Variants in FSTL1 observed in about 807,000 individuals in gnomAD.
FSTL1 encodes follistatin-related protein 1.
In FSTL1, 24 loss-of-function variants were observed where a neutral mutation model predicts 45.9. The ratio of observed to expected loss-of-function variants is 0.52; its 90% CI spans 0.38 to 0.74. The LOEUF (loss-of-function observed/expected upper bound fraction) is 0.74, where lower values mean the gene tolerates loss of function less well. FSTL1 is among the 30% of genes least tolerant of loss of function. The pLI is 0.00. For missense variants in FSTL1, 340 were observed against 381.8 expected (o/e 0.89, Z 0.91); for synonymous variants, 120 against 137.6 (o/e 0.87, Z 0.89).
chr3:120,394,535 C>G lies in FSTL1; in HGVS notation c.*2417G>C, dbSNP rs1454063392. ...CTGCTTTCCAAAAACTGATATAGTC[C>G]AGAGTCACGGCATGTGGGAATGTTT... On this transcript the variant is annotated 3_prime_UTR_variant, in exon 11 of 11. Transcript: ENST00000295633. The G allele has an allele frequency of 1.3e-5, 2 of 152,140 alleles. No homozygotes were observed. The highest frequency in any genetic ancestry group is 2.9e-5 in the Non-Finnish European group (2 of 68,044). 9.4% of individuals were successfully genotyped at this position (152,140 alleles called of 1,614,324 possible). A position where few individuals can be genotyped will look rare whatever the true frequency, so the allele number is the denominator to read the frequency against.
intron 2 of FSTL1, chr3:120,419,058 CT>C: frequency 6.6e-6 from 1 of 152,182 alleles, no homozygotes; most frequent in South Asian, 2.1e-4. Flanking sequence ...AATCATTCCT[CT>C]TTGCAGGTGA....
At chr3:120,412,795 CAGGCAGGCAAACACACACACATGT>C (rs1333050207) in intron 3 of FSTL1, among the ~76,000 whole-genome samples, 1 of 150,512 alleles carries the variant, frequency 6.6e-6, no homozygotes, top group East Asian at 2.0e-4. Flanking sequence ...GGCTGATAGG[CAGGCAGGCAAACACACACACATGT>C]GCGCGCGCGC....
chr3:120,410,999 G>C lies in FSTL1; in HGVS notation c.299-15C>G, dbSNP rs201535066. The C allele has an allele frequency of 3.1e-6, 5 of 1,597,816 alleles. No homozygotes were observed. The South Asian group carries it at 4.5e-5, about 14-fold the overall frequency. ...GGATTTCTTCTCTGCAAGACAAAAA[G>C]AGAAAACGTGTAATGCGAAGTGAAG... On this transcript the variant is annotated splice_polypyrimidine_tract_variant and intron_variant, in intron 4 of 10. Transcript: ENST00000295633.
intron 1 of FSTL1, 41 bp from the exon 2 acceptor site, chr3:120,450,787 C>A: frequency 2.1e-6 from 3 of 1,434,764 alleles, no homozygotes; most frequent in Non-Finnish European, 2.8e-6. Flanking sequence ...GGCGCCGGGC[C>A]CCGCGCTGAC....
chr3:120,440,870 T>C (rs981476270), intron 2 of FSTL1, among the ~76,000 whole-genome samples: 7 of 152,044 alleles, frequency 4.6e-5, no homozygotes, highest in Non-Finnish European at 1.0e-4. Flanking sequence ...AGGAGAAAGA[T>C]GAAGGGAAGA....
Position 120,450,753 on chromosome 3 carries a change from A to G in FSTL1, c.1-7T>C. 6.4e-7 allele frequency: 1 copy of G among 1,572,996 alleles called. No individual in the cohort carries two copies. The highest frequency in any genetic ancestry group is 8.6e-7 in the Non-Finnish European group (1 of 1,166,334). ...CGAGCCAGCGTTTCCACATCTGCGG[A>G]AGAGAGAAGAGAGCGAGTCTGAAGG... On this transcript the variant is annotated splice_polypyrimidine_tract_variant and splice_region_variant and intron_variant, in intron 1 of 10. Coordinates refer to ENST00000295633, the MANE Select transcript of FSTL1 (RefSeq NM_007085.5).
At chr3:120,439,211 A>C (rs112543108) in intron 2 of FSTL1, among the ~76,000 whole-genome samples, 2,974 of 152,288 alleles carry the variant, frequency 0.02, 110 homozygotes, top group African/African-American at 0.069. Flanking sequence ...GACAGGCTCC[A>C]GGCTGGGGGT....
At chr3:120,433,998 T>G (rs1187601795) in intron 2 of FSTL1, among the ~76,000 whole-genome samples, 1 of 151,874 alleles carries the variant, frequency 6.6e-6, no homozygotes, top group Non-Finnish European at 1.5e-5. Context: ...CACTGGGGGG[T>G]TTTGCTCAGG....
At position 120,414,078 on chromosome 3, in the gene FSTL1, C is replaced by G. The variant is rs1481941974; in HGVS notation, c.168+1845G>C. ...GATTGCAGACGGAGTCTCGTTCACT[C>G]AGTGCTCAATGGTGCCCAGGCTGGA... On this transcript the variant is annotated intron_variant, in intron 3 of 10. Coordinates refer to ENST00000295633, the MANE Select transcript of FSTL1 (RefSeq NM_007085.5). Among the ~76,000 whole-genome samples, 7 of 152,026 alleles carry G rather than the reference C, an allele frequency of 4.6e-5. No individual in the cohort carries two copies. The South Asian group carries it at 1.5e-3, about 32-fold the overall frequency.
chr3:120,409,959 GA>G (rs1182302165), intron 5 of FSTL1: 1 of 212,878 alleles, frequency 4.7e-6, no homozygotes, highest in African/African-American at 2.3e-5. Flanking sequence ...TTAACTTTAG[GA>G]AGCTGAAGGG....
intron 7 of FSTL1, among the ~76,000 whole-genome samples, chr3:120,403,920 C>CAAAAAAAAAAAAAAAAAAAAAAA (rs34145564): frequency 2.3e-4 from 12 of 52,136 alleles, no homozygotes; most frequent in Non-Finnish European, 3.6e-4. Context: ...GACTCCGTCT[C>CAAAAAAAAAAAAAAAAAAAAAAA]AAAAAAAAAA....
At position 120,399,696 on chromosome 3, in the gene FSTL1, G is replaced by A. The variant is rs143943080; in HGVS notation, c.882+187C>T. On this transcript the variant is annotated intron_variant, in intron 10 of 10. Coordinates refer to ENST00000295633, the MANE Select transcript of FSTL1 (RefSeq NM_007085.5). ...TATGTGTTGAGACCTACTGGGCCCT[G>A]TGAGGACTTTATCAGGGAACTGTCT... Among the ~76,000 whole-genome samples, 695 of 152,332 alleles carry A rather than the reference G, an allele frequency of 4.6e-3. 5 individuals are homozygous for A. Among genetic ancestry groups the A allele is most frequent in the Non-Finnish European group, 8.0e-3 (546 of 68,032 alleles).
chr3:120,442,982 C>T (rs1259330), intron 2 of FSTL1, among the ~76,000 whole-genome samples: 126,068 of 134,856 alleles, frequency 0.93, 59,550 homozygotes, highest in Non-Finnish European at 0.97. Flanking sequence ...TTGGGAGATA[C>T]ACCTAAGGCT....
intron 5 of FSTL1, 34 bp from the exon 6 acceptor site, chr3:120,409,696 T>A: frequency 1.2e-6 from 2 of 1,610,652 alleles, no homozygotes; most frequent in Non-Finnish European, 1.7e-6. Context: ...GCTGGAGCAG[T>A]CAGGGGAGGA....
chr3:120,442,785 A>C (rs1937649943), intron 2 of FSTL1, among the ~76,000 whole-genome samples: 1 of 148,460 alleles, frequency 6.7e-6, no homozygotes, highest in Non-Finnish European at 1.5e-5. Flanking sequence ...CCATCTCAAA[A>C]AAGAAAAAAA....
chr3:120,448,373 T>C (rs1937805805), intron 2 of FSTL1, among the ~76,000 whole-genome samples: 1 of 152,182 alleles, frequency 6.6e-6, no homozygotes, highest in South Asian at 2.1e-4. Context: ...AACTACAAGA[T>C]AAAAGGCTTT....
chr3:120,449,634 A>T (rs890298538), intron 2 of FSTL1, among the ~76,000 whole-genome samples: 5 of 152,244 alleles, frequency 3.3e-5, no homozygotes, highest in Non-Finnish European at 5.9e-5. Context: ...ATGAGAATTC[A>T]GTACAATGCG....
intron 7 of FSTL1, among the ~76,000 whole-genome samples, chr3:120,404,365 T>C (rs1936905021): frequency 6.6e-6 from 1 of 152,266 alleles, no homozygotes; most frequent in African/African-American, 2.4e-5. Context: ...AAAAGTTTCT[T>C]AGCGATTAGT....
intron 9 of FSTL1, among the ~76,000 whole-genome samples, chr3:120,401,159 G>A (rs1290090029): frequency 6.6e-6 from 1 of 152,242 alleles, no homozygotes; most frequent in East Asian, 1.9e-4. Flanking sequence ...GGGAAGACAA[G>A]TATAGGATGC....
Sources: gnomAD v4.1 joint callset for allele counts (sites outside exome capture counted in the v4.1 genomes callset) on GRCh38, gnomAD v4.1.1 for gene constraint, MANE v1.5 for transcripts, NCBI Gene and HGNC (gene_info 2026-07-23, HGNC 2026-07-21) for gene names.